The following KCNAB1 variants were observed in gnomAD, a reference collection of about 807,000 sequenced individuals.
KCNAB1 encodes voltage-gated potassium channel subunit beta-1.
In KCNAB1, 35 loss-of-function variants were observed where a neutral mutation model predicts 64.6. The ratio of observed to expected loss-of-function variants is 0.54; its 90% CI spans 0.41 to 0.72. The LOEUF is 0.72. Ranked by LOEUF, KCNAB1 falls within the 30% of genes least tolerant of loss-of-function variation. The pLI, the probability that KCNAB1 is intolerant of heterozygous loss-of-function variation, is 0.00. For synonymous variants in KCNAB1, 177 were observed against 183.8 expected (o/e 0.96, Z 0.30); for missense variants, 401 against 512.9 (o/e 0.78, Z 2.11).
At chr3:156,441,425 C>T (rs911010539) in intron 2 of KCNAB1, 1 of 152,008 alleles carries the variant, frequency 6.6e-6, no homozygotes, top group African/African-American at 2.4e-5. Context: ...TTCATAGTAA[C>T]TTACTGTGGA....
chr3:156,432,853 T>C (rs1431561739), intron 2 of KCNAB1, among the ~76,000 whole-genome samples: 1 of 152,172 alleles, frequency 6.6e-6, no homozygotes, highest in Non-Finnish European at 1.5e-5. Context: ...GGTGACCTTC[T>C]GTCTGACTTC....
At chr3:156,306,320 G>C (rs1243070369) in intron 1 of KCNAB1, among the ~76,000 whole-genome samples, 1 of 152,142 alleles carries the variant, frequency 6.6e-6, no homozygotes, top group Non-Finnish European at 1.5e-5. Context: ...CTAGGCAGCA[G>C]GGCCACTTGA....
At chr3:156,482,196 G>C (rs187283447) in intron 8 of KCNAB1, among the ~76,000 whole-genome samples, 42 of 151,578 alleles carry the variant, frequency 2.8e-4, no homozygotes, top group African/African-American at 9.4e-4. Context: ...AATTTTCCAG[G>C]GTTAATCTAT....
chr3:156,304,689 G>A (rs956431503), intron 1 of KCNAB1, among the ~76,000 whole-genome samples: 6 of 152,316 alleles, frequency 3.9e-5, no homozygotes, highest in African/African-American at 1.2e-4. Flanking sequence ...CAGTGTGGTG[G>A]TACAAAGAAC....
rs73164741 is a variant in KCNAB1 at position 156,408,366 on chromosome 3, T to G, written c.276-13250T>G. Among the ~76,000 whole-genome samples the G allele has an allele frequency of 7.6e-3, 1,153 of 152,306 alleles. 5 individuals are homozygous for G. Among genetic ancestry groups the G allele is most frequent in the Non-Finnish European group, 0.013 (889 of 68,020 alleles). On this transcript the variant is annotated intron_variant, in intron 1 of 13. Transcript: ENST00000490337. ...TGCCATCTCTGCAACCTGCTGGATGTGCGGGACCCTGGCGCATTACCTAAC... is the reference window on the plus strand; with the variant it reads ...TGCCATCTCTGCAACCTGCTGGATGGGCGGGACCCTGGCGCATTACCTAAC...
intron 1 of KCNAB1, among the ~76,000 whole-genome samples, chr3:156,415,859 T>G (rs1715027633): frequency 6.6e-6 from 1 of 152,098 alleles, no homozygotes; most frequent in African/African-American, 2.4e-5. Flanking sequence ...CTCCCCACTC[T>G]GAGTTACAGG....
intron 1 of KCNAB1, among the ~76,000 whole-genome samples, chr3:156,257,431 G>A (rs193254315): frequency 2.0e-5 from 3 of 152,224 alleles, no homozygotes; most frequent in East Asian, 1.9e-4. Flanking sequence ...AAAAGGAACT[G>A]GAGAACCTGA....
intron 1 of KCNAB1, among the ~76,000 whole-genome samples, chr3:156,203,959 CA>C (rs1166588596): frequency 1.3e-5 from 2 of 152,122 alleles, no homozygotes; most frequent in African/African-American, 2.4e-5. Context: ...ATTTGTGCAT[CA>C]GGGGGAATCA....
chr3:156,463,083 T>A (rs941026675), intron 5 of KCNAB1, among the ~76,000 whole-genome samples: 1 of 152,180 alleles, frequency 6.6e-6, no homozygotes, highest in African/African-American at 2.4e-5. Flanking sequence ...CAAAGACATT[T>A]TTTTCCTGTT....
intron 1 of KCNAB1, among the ~76,000 whole-genome samples, chr3:156,398,827 C>G (rs1050514420): frequency 6.6e-6 from 1 of 152,010 alleles, no homozygotes; most frequent in Admixed American, 6.6e-5. Flanking sequence ...TCTTCCCACA[C>G]CATAGTGGGT....
chr3:156,132,451 G>A (rs1330355694), intron 1 of KCNAB1, among the ~76,000 whole-genome samples: 4 of 152,190 alleles, frequency 2.6e-5, no homozygotes, highest in Non-Finnish European at 1.5e-5. Flanking sequence ...ATTGCCTTGA[G>A]ACTCACTTAC....
At chr3:156,242,834 A>AT (rs540673326) in intron 1 of KCNAB1, among the ~76,000 whole-genome samples, 15 of 138,982 alleles carry the variant, frequency 1.1e-4, no homozygotes, top group African/African-American at 3.7e-4. Context: ...GTGTTTTGAC[A>AT]TTTTTCATGT....
chr3:156,512,363 A>T (rs1407493448), intron 8 of KCNAB1, among the ~76,000 whole-genome samples: 2 of 152,234 alleles, frequency 1.3e-5, no homozygotes, highest in Non-Finnish European at 2.9e-5. Flanking sequence ...TGCCCAAGCC[A>T]CCTGTCAGCA....
At chr3:156,531,645 G>A (rs1718709460) in intron 13 of KCNAB1, 148 bp downstream of exon 13, 1 of 674,930 alleles carries the variant, frequency 1.5e-6, no homozygotes, top group Non-Finnish European at 2.7e-6. Context: ...CCAGTACATG[G>A]ATCCAGGGTT....
chr3:156,197,613 A>G (rs897839934), intron 1 of KCNAB1, among the ~76,000 whole-genome samples: 22 of 152,130 alleles, frequency 1.4e-4, no homozygotes, highest in Admixed American at 1.4e-3. Context: ...CTCTGATGGT[A>G]GTTGGTATTT....
In KCNAB1 at chr3:156,281,346, G is replaced by A. The variant is rs1430455615; in HGVS notation, c.276-140270G>A. On this transcript the variant is annotated intron_variant, in intron 1 of 13. Coordinates refer to ENST00000490337, the MANE Select transcript of KCNAB1 (RefSeq NM_172160.3). ...GATCATGGTGGATAAGCTTTTTGAT[G>A]TGCTGCTGGATTCGGTTTGCCAGTA... Among the ~76,000 whole-genome samples, 1,513 of 152,030 alleles carry A rather than the reference G, an allele frequency of 1.0e-2. 27 individuals carry two copies. The highest frequency in any genetic ancestry group is 0.035 in the African/African-American group (1,454 of 41,406).
intron 12 of KCNAB1, among the ~76,000 whole-genome samples, chr3:156,524,670 C>G (rs963842954): frequency 7.1e-6 from 1 of 140,896 alleles, no homozygotes; most frequent in African/African-American, 2.7e-5. Context: ...TGGCGTGAAC[C>G]CGAGTGGCGG....
intron 1 of KCNAB1, among the ~76,000 whole-genome samples, chr3:156,414,256 G>C (rs1287144654): frequency 6.6e-6 from 1 of 152,142 alleles, no homozygotes; most frequent in Non-Finnish European, 1.5e-5. Context: ...TCATCACAAA[G>C]AGAATGCCAG....
At chr3:156,420,984 A>G (rs1715429605) in intron 1 of KCNAB1, among the ~76,000 whole-genome samples, 1 of 149,254 alleles carries the variant, frequency 6.7e-6, no homozygotes, top group African/African-American at 2.4e-5. Context: ...AGTTAAATAT[A>G]TATCTATGTA....
Sources: allele counts gnomAD v4.1 joint callset (sites outside exome capture counted in the v4.1 genomes callset), GRCh38; gene constraint gnomAD v4.1.1; transcripts MANE v1.5; gene names NCBI Gene and HGNC (gene_info 2026-07-23, HGNC 2026-07-21).